The following MTHFD1 variants were observed in gnomAD, a reference collection of about 807,000 sequenced individuals.
The protein encoded by MTHFD1 is methylenetetrahydrofolate dehydrogenase, cyclohydrolase and formyltetrahydrofolate synthetase 1.
MTHFD1 carries 44 observed loss-of-function variants against 110.3 expected under a neutral mutation model. The observed-to-expected ratio is 0.40, with a 90% CI of 0.31 to 0.51. The LOEUF is 0.51. MTHFD1 is among the 20% of genes least tolerant of loss of function. MTHFD1 has a pLI of 0.60. For synonymous variants in MTHFD1, 402 were observed against 428.8 expected (o/e 0.94, Z 0.77); for missense variants, 909 against 1,173.1 (o/e 0.77, Z 3.29).
intron 26 of MTHFD1, 35 bp downstream of exon 26, chr14:64,454,910 C>G (rs2078442230): frequency 1.9e-6 from 3 of 1,609,434 alleles, no homozygotes; most frequent in African/African-American, 2.7e-5. Context: ...GTGGGCGCAT[C>G]TGCACTTCTC....
chr14:64,398,494 C>CTG (rs2077874114), intron 1 of MTHFD1, among the ~76,000 whole-genome samples: 1 of 152,152 alleles, frequency 6.6e-6, no homozygotes, highest in Non-Finnish European at 1.5e-5. Flanking sequence ...TTGCAGTGAG[C>CTG]TGTGATTGCA....
intron 26 of MTHFD1, among the ~76,000 whole-genome samples, chr14:64,455,649 A>T (rs1566579487): frequency 6.6e-6 from 1 of 152,206 alleles, no homozygotes. Context: ...ATCAACACAC[A>T]TGGAAAAGAA....
At position 64,448,300 on chromosome 14, in the gene MTHFD1, G is replaced by A; in HGVS notation, c.2262G>A (p.Val754=). ...NARMFGIPVV[V]AVNAFKTDTE... The stretch of plus-strand genomic sequence containing the variant: ...GAATGTTTGGAATTCCAGTAGTAGT[G>A]GCCGTGAATGCATTCAAGTAAGTGT... The change falls in exon 23 of 28, where the codon GTG becomes GTA. Residue 754 remains valine, a synonymous_variant. Coordinates refer to ENST00000652337, the MANE Select transcript of MTHFD1 (RefSeq NM_005956.4). 6.2e-7 allele frequency: 1 copy of A among 1,612,898 alleles called. No individual in the cohort carries two copies. Among genetic ancestry groups the A allele is most frequent in the Non-Finnish European group, 8.5e-7 (1 of 1,178,820 alleles).
At chr14:64,423,872 G>A (rs1471089828) in intron 8 of MTHFD1, among the ~76,000 whole-genome samples, 1 of 151,942 alleles carries the variant, frequency 6.6e-6, no homozygotes, top group African/African-American at 2.4e-5. Context: ...GACTACAGGT[G>A]CCCGCCACCA....
At chr14:64,393,357 A>G (rs1258359377) in intron 1 of MTHFD1, among the ~76,000 whole-genome samples, 1 of 152,172 alleles carries the variant, frequency 6.6e-6, no homozygotes, top group Non-Finnish European at 1.5e-5. Context: ...CAGTGAGCCA[A>G]GATGGCGCCA....
intron 18 of MTHFD1, chr14:64,440,741 A>T: frequency 1.2e-5 from 3 of 252,966 alleles, no homozygotes; most frequent in South Asian, 4.8e-5. Flanking sequence ...TACCAGAGTT[A>T]CAAATAACTG....
intron 27 of MTHFD1, chr14:64,458,544 A>T (rs1029309680): frequency 3.7e-6 from 2 of 534,760 alleles, no homozygotes; most frequent in Non-Finnish European, 3.4e-6. Context: ...ACAGGTTGAC[A>T]GTGTAGGGGA....
chr14:64,411,793 C>T lies in MTHFD1; in HGVS notation c.186+644C>T, dbSNP rs542104700. On this transcript the variant is annotated intron_variant, in intron 3 of 27. Transcript: ENST00000652337. ...GCGCATGCCTGTAATCCCAGCTACT[C>T]GGGAGGCTGAGGCAGGAGAATCGCT... 5.3e-5 allele frequency among the ~76,000 whole-genome samples: 8 copies of T among 151,914 alleles called. 1 individual carries two copies. Among genetic ancestry groups the T allele is most frequent in the South Asian group, 4.1e-4 (2 of 4,822 alleles).
At chr14:64,445,416 T>C (rs1022131064) in intron 22 of MTHFD1, among the ~76,000 whole-genome samples, 1 of 152,176 alleles carries the variant, frequency 6.6e-6, no homozygotes, top group African/African-American at 2.4e-5. Flanking sequence ...GCTCAAATCT[T>C]TTCATATTTA....
intron 11 of MTHFD1, among the ~76,000 whole-genome samples, chr14:64,427,112 G>A (rs2078124861): frequency 1.3e-5 from 2 of 151,742 alleles, no homozygotes; most frequent in African/African-American, 4.8e-5. Flanking sequence ...CTGGAGTACA[G>A]TGGTGCAGTC....
intron 22 of MTHFD1, 137 bp from the exon 23 acceptor site, chr14:64,448,080 C>T (rs988547053): frequency 4.2e-6 from 3 of 712,538 alleles, no homozygotes; most frequent in Non-Finnish European, 5.1e-6. Flanking sequence ...ACCAAGGGAC[C>T]TTCTCTCTTC....
In MTHFD1 at chr14:64,441,446, C is replaced by T; in HGVS notation, c.1877C>T (p.Thr626Ile). 1 of 1,614,002 alleles carries T rather than the reference C, an allele frequency of 6.2e-7. No homozygotes were observed. Among genetic ancestry groups the T allele is most frequent in the Non-Finnish European group, 8.5e-7 (1 of 1,179,900 alleles). ...KDAIKPNLMQ[T>I]LEGTPVFVHA... is the part of the protein sequence containing the mutation. ...GCAATCAAGCCCAATCTCATGCAGA[C>T]ACTGGAGGTGAGCAGAGTGACTCCT... Residue 626 changes from threonine to isoleucine, a missense_variant, in exon 19 of 28, where the codon ACA becomes ATA. This residue lies in a region of MTHFD1 where 482 missense variants were observed against 646.0 expected (regional missense o/e 0.75). Coordinates refer to ENST00000652337, the MANE Select transcript of MTHFD1 (RefSeq NM_005956.4).
intron 1 of MTHFD1, among the ~76,000 whole-genome samples, chr14:64,399,717 A>G (rs1395639197): frequency 6.6e-6 from 1 of 151,804 alleles, no homozygotes; most frequent in Non-Finnish European, 1.5e-5. Flanking sequence ...GGCCTGGAAA[A>G]TTGTTGGGAA....
chr14:64,394,721 G>C (rs548294785), intron 1 of MTHFD1, among the ~76,000 whole-genome samples: 1 of 152,088 alleles, frequency 6.6e-6, no homozygotes, highest in Non-Finnish European at 1.5e-5. Context: ...TGATCTTTGG[G>C]TTTAGGTGCC....
chr14:64,441,981 C>T, intron 19 of MTHFD1, 73 bp from the exon 20 acceptor site: 1 of 968,338 alleles, frequency 1.0e-6, no homozygotes, highest in Non-Finnish European at 1.7e-6. Flanking sequence ...AAATCAATTC[C>T]ATACCGTTGA....
At chr14:64,410,418 G>C (rs949037864) in intron 2 of MTHFD1, among the ~76,000 whole-genome samples, 2 of 137,082 alleles carry the variant, frequency 1.5e-5, no homozygotes, top group South Asian at 2.4e-4. Context: ...GGGGGGGGGG[G>C]TCTCACTATG....
At chr14:64,452,868 A>G (rs1161150052) in intron 24 of MTHFD1, among the ~76,000 whole-genome samples, 1 of 151,848 alleles carries the variant, frequency 6.6e-6, no homozygotes, top group African/African-American at 2.4e-5. Flanking sequence ...TCTACTTTTT[A>G]ATTTTTATTA....
At chr14:64,421,013 A>G (rs1286114979) in intron 8 of MTHFD1, among the ~76,000 whole-genome samples, 2 of 152,214 alleles carry the variant, frequency 1.3e-5, no homozygotes, top group African/African-American at 4.8e-5. Flanking sequence ...CTGTGTATCC[A>G]GCACAATGCC....
chr14:64,411,142 C>T lies in MTHFD1; in HGVS notation c.179C>T (p.Ala60Val). The T allele has an allele frequency of 6.2e-7, 1 of 1,612,414 alleles. No individual in the cohort carries two copies. The highest frequency in any genetic ancestry group is 8.5e-7 in the Non-Finnish European group (1 of 1,179,218). ...TATATAAATGTGAAGCTGAAGGCTGCTGAAGAGGTAACGCCAGAAGAGCTG... is the reference window on the plus strand; with the variant it reads ...TATATAAATGTGAAGCTGAAGGCTGTTGAAGAGGTAACGCCAGAAGAGCTG... ...NLYINVKLKAAEEIGIKATHI... is the reference protein window; with the variant it reads ...NLYINVKLKAVEEIGIKATHI... The change falls in exon 3 of 28, where the codon GCT becomes GTT. Residue 60 changes from alanine to valine, a missense_variant. Ala to Val is a moderately conservative substitution (Grantham distance 64, BLOSUM62 0). Coordinates refer to ENST00000652337, the MANE Select transcript of MTHFD1 (RefSeq NM_005956.4).
Sources: allele counts gnomAD v4.1 joint callset (sites outside exome capture counted in the v4.1 genomes callset), GRCh38; gene constraint gnomAD v4.1.1; regional missense constraint gnomAD v4.1.1; transcripts MANE v1.5; gene names NCBI Gene and HGNC (gene_info 2026-07-23, HGNC 2026-07-21).